Variants in CIT observed in about 807,000 individuals in gnomAD.
CIT encodes the protein citron rho-interacting serine/threonine kinase.
A neutral mutation model predicts 272.7 loss-of-function variants in CIT; 79 were observed. The ratio of observed to expected loss-of-function variants is 0.29; its 90% CI spans 0.24 to 0.35. CIT has a LOEUF of 0.35. Ranked by LOEUF, CIT falls within the 10% of genes least tolerant of loss-of-function variation. The pLI is 1.00. For synonymous variants in CIT, 948 were observed against 995.6 expected, an observed-to-expected ratio of 0.95 and a Z score of 0.90; for missense variants, 1,909 against 2,618.3, an observed-to-expected ratio of 0.73 and a Z score of 5.91.
intron 23 of CIT, among the ~76,000 whole-genome samples, chr12:119,746,502 C>T (rs1959429579): frequency 6.6e-6 from 1 of 152,206 alleles, no homozygotes; most frequent in Non-Finnish European, 1.5e-5. Context: ...TTAGCTCCTT[C>T]AAAGCATAAG....
intron 27 of CIT, among the ~76,000 whole-genome samples, chr12:119,730,080 C>G (rs1181858580): frequency 6.6e-6 from 1 of 152,156 alleles, no homozygotes; most frequent in Admixed American, 6.5e-5. Context: ...GAACTTGGAA[C>G]ACGGAGAAGC....
rs76666583 is a variant in CIT at position 119,832,356 on chromosome 12, T to C, written c.753+415A>G. On this transcript the variant is annotated intron_variant, in intron 7 of 47. Coordinates refer to ENST00000392521, the MANE Select transcript of CIT (RefSeq NM_001206999.2). ...ACTTGGTTCTTAACACTTAAGGATATTTGGTTCAAATGCTCCAGTGATTAA... is the reference window on the plus strand; with the variant it reads ...ACTTGGTTCTTAACACTTAAGGATACTTGGTTCAAATGCTCCAGTGATTAA... 9.5e-3 allele frequency among the ~76,000 whole-genome samples: 1,440 copies of C among 152,320 alleles called. 16 individuals are homozygous for C. Among genetic ancestry groups the C allele is most frequent in the Admixed American group, 0.015 (225 of 15,304 alleles).
Position 119,712,008 on chromosome 12 carries a change from T to C in CIT, c.4854+170A>G, listed in dbSNP as rs1359157406. ...GCCACACAAGCTACCTTGGTGCTTG[T>C]GCCTTCATCACCACCAGACTCCTGG... On this transcript the variant is annotated intron_variant, in intron 37 of 47. Coordinates refer to ENST00000392521, the MANE Select transcript of CIT (RefSeq NM_001206999.2). The surrounding 1 kb of genome is among the most constrained non-coding windows in gnomAD (Gnocchi z 5.2). 2.0e-5 allele frequency among the ~76,000 whole-genome samples: 3 copies of C among 152,046 alleles called. No homozygotes were observed. Among genetic ancestry groups the C allele is most frequent in the Non-Finnish European group, 2.9e-5 (2 of 68,016 alleles).
intron 7 of CIT, 29 bp downstream of exon 7, chr12:119,832,742 C>G (rs1968732543): frequency 1.3e-6 from 2 of 1,556,560 alleles, no homozygotes; most frequent in East Asian, 4.5e-5. Context: ...AGTATAAACT[C>G]TATTAAGCTA....
Position 119,825,379 on chromosome 12 carries a change from A to G in CIT, c.754-11T>C, listed in dbSNP as rs1968079430. 1.2e-6 allele frequency: 2 copies of G among 1,612,078 alleles called. No homozygotes were observed. Among genetic ancestry groups the G allele is most frequent in the East Asian group, 4.5e-5 (2 of 44,838 alleles). Reference sequence around the variant, plus strand: ...GAGTTTGGCATTCACCTAGAATCCCATCAATAAAACGAATACAGCAAACTT... The same window carrying G: ...GAGTTTGGCATTCACCTAGAATCCCGTCAATAAAACGAATACAGCAAACTT... On this transcript the variant is annotated splice_polypyrimidine_tract_variant and intron_variant, in intron 7 of 47. Coordinates refer to ENST00000392521, the MANE Select transcript of CIT (RefSeq NM_001206999.2).
intron 39 of CIT, among the ~76,000 whole-genome samples, chr12:119,709,762 A>AGAGAGAGAGAGAGAGAG (rs1957056944): frequency 8.3e-6 from 1 of 120,498 alleles, no homozygotes; most frequent in African/African-American, 3.5e-5. Flanking sequence ...TGGTTCAGGA[A>AGAGAGAGAGAGAGAGAG]AGAGAGAGAG....
Position 119,697,531 on chromosome 12 carries a change from AAATG to A in CIT, c.5882+124_5882+127del. On this transcript the variant is annotated intron_variant, in intron 46 of 47. Transcript: ENST00000392521. The surrounding 1 kb of genome is among the most constrained non-coding windows in gnomAD (Gnocchi z 4.9). ...TATTTCAGTGCCGCAGATCGCAAACAAATGAATGGTTTGAGCTTAAGAACAAAGT... is the reference window on the plus strand; with the variant it reads ...TATTTCAGTGCCGCAGATCGCAAACAAATGGTTTGAGCTTAAGAACAAAGT... The A allele has an allele frequency of 9.8e-7, 1 of 1,023,306 alleles. No homozygotes were observed. The allele number at this position is 1,023,306 out of a possible 1,614,324, so 63.4% of individuals were successfully genotyped here.
In CIT at chr12:119,713,503, G is replaced by A; in HGVS notation, c.4452C>T (p.Ser1484=). ...SPGLQTKEPS[S]SLHLEGWMKV... ...TCATCCACCCTTCCAGGTGCAAGCT[G>A]CTGCTGGGCTCCTTGGTCTGGAGAC... The change falls in exon 34 of 48, where the codon AGC becomes AGT. Residue 1484 remains serine (S), a synonymous_variant. Coordinates refer to ENST00000392521, the MANE Select transcript of CIT (RefSeq NM_001206999.2). This position sits in a 1 kb window ranked among gnomAD's most constrained non-coding sequence, Gnocchi z 5.2. 6.2e-7 allele frequency: 1 copy of A among 1,614,208 alleles called. No individual in the cohort carries two copies. Among genetic ancestry groups the A allele is most frequent in the South Asian group, 1.1e-5 (1 of 91,080 alleles).
intron 23 of CIT, among the ~76,000 whole-genome samples, chr12:119,744,004 C>T (rs75566246): frequency 0.057 from 8,705 of 152,150 alleles, 389 homozygotes; most frequent in African/African-American, 0.12. Flanking sequence ...AAGAAAGTGA[C>T]GGATTTTACT....
chr12:119,772,695 G>C (rs926693384), intron 17 of CIT, 75 bp downstream of exon 17: 19 of 1,448,476 alleles, frequency 1.3e-5, no homozygotes, highest in Non-Finnish European at 1.7e-5. Context: ...GCAAGTGATG[G>C]TCTGGCAGTT....
intron 8 of CIT, 121 bp from the exon 9 acceptor site, chr12:119,823,094 A>G (rs1051868508): frequency 2.4e-5 from 24 of 995,634 alleles, no homozygotes; most frequent in Admixed American, 5.9e-5. Flanking sequence ...TAGAGAAGGA[A>G]GTTTCGTGCC....
intron 5 of CIT, among the ~76,000 whole-genome samples, chr12:119,838,445 G>C (rs1969175493): frequency 6.6e-6 from 1 of 152,198 alleles, no homozygotes; most frequent in East Asian, 1.9e-4. Context: ...AACCACTTAG[G>C]GAGCTTAAAG....
intron 4 of CIT, among the ~76,000 whole-genome samples, chr12:119,850,611 C>T (rs1004050851): frequency 6.6e-6 from 1 of 152,060 alleles, no homozygotes; most frequent in African/African-American, 2.4e-5. Flanking sequence ...TTGCCAGCTC[C>T]GTATATTACC....
intron 3 of CIT, among the ~76,000 whole-genome samples, chr12:119,865,150 A>T (rs1414343369): frequency 6.6e-6 from 1 of 152,242 alleles, no homozygotes; most frequent in Non-Finnish European, 1.5e-5. Context: ...CTTCAAAAAT[A>T]TGAAACATTT....
In CIT at chr12:119,708,338, A is replaced by G. The variant is rs200007774; in HGVS notation, c.5072-20T>C. ...CTTCTCCTGAACAGGAAAAGGAACAACCTCTCGTCAGTGTGAAGCCGTTAA... is the reference window on the plus strand; with the variant it reads ...CTTCTCCTGAACAGGAAAAGGAACAGCCTCTCGTCAGTGTGAAGCCGTTAA... On this transcript the variant is annotated intron_variant, in intron 39 of 47. Coordinates refer to ENST00000392521, the MANE Select transcript of CIT (RefSeq NM_001206999.2). 3.0e-4 allele frequency: 466 copies of G among 1,549,576 alleles called. No homozygotes were observed. Among genetic ancestry groups the G allele is most frequent in the Non-Finnish European group, 3.7e-4 (421 of 1,145,444 alleles).
chr12:119,819,148 G>A (rs540502197), intron 9 of CIT, among the ~76,000 whole-genome samples: 1 of 152,264 alleles, frequency 6.6e-6, no homozygotes, highest in Admixed American at 6.5e-5. Flanking sequence ...AAGCAGCCTT[G>A]AAATAATGAT....
At chr12:119,873,904 C>T (rs1057402956) in intron 2 of CIT, among the ~76,000 whole-genome samples, 1 of 152,034 alleles carries the variant, frequency 6.6e-6, no homozygotes, top group Non-Finnish European at 1.5e-5. Context: ...ATAACTAATA[C>T]TATTCTATGC....
chr12:119,836,190 G>A (rs1968994860), intron 5 of CIT, among the ~76,000 whole-genome samples: 1 of 149,208 alleles, frequency 6.7e-6, no homozygotes, highest in African/African-American at 2.5e-5. Flanking sequence ...GGGAGGCTGA[G>A]GCAGGAGAAT....
intron 2 of CIT, among the ~76,000 whole-genome samples, chr12:119,870,422 C>T (rs1315318043): frequency 1.3e-5 from 2 of 151,868 alleles, no homozygotes; most frequent in African/African-American, 4.8e-5. Context: ...TGGTGGTAGG[C>T]ACCCGTAATC....
Sources: allele counts gnomAD v4.1 joint callset (sites outside exome capture counted in the v4.1 genomes callset), GRCh38; gene constraint gnomAD v4.1.1; non-coding constraint Gnocchi (gnomAD v3.1); transcripts MANE v1.5; gene names NCBI Gene and HGNC (gene_info 2026-07-23, HGNC 2026-07-21).